Variants in NEK11 observed in about 807,000 individuals in gnomAD.
The protein encoded by NEK11 is NIMA related kinase 11.
A neutral mutation model predicts 80.7 loss-of-function variants in NEK11; 72 were observed. The ratio of observed to expected loss-of-function variants is 0.89; its 90% confidence interval spans 0.74 to 1.08. The LOEUF (loss-of-function observed/expected upper bound fraction) is 1.08, where lower values mean the gene tolerates loss of function less well. NEK11 is among the 50% of genes least tolerant of loss of function. NEK11 has a pLI of 0.00. For missense variants in NEK11, 764 were observed against 763.6 expected, an observed-to-expected ratio of 1.00 and a Z score of -0.01; for synonymous variants, 251 against 260.7, an observed-to-expected ratio of 0.96 and a Z score of 0.36.
At chr3:131,054,208 G>T (rs149464741) in intron 3 of NEK11, among the ~76,000 whole-genome samples, 11 of 152,254 alleles carry the variant, frequency 7.2e-5, no homozygotes, top group African/African-American at 2.4e-4. Context: ...AAAATTAGCC[G>T]GGTGTGGTCC....
chr3:131,129,423 C>T (rs1036124897), intron 5 of NEK11, among the ~76,000 whole-genome samples: 1 of 152,112 alleles, frequency 6.6e-6, no homozygotes, highest in East Asian at 1.9e-4. Context: ...TATTCCTTGA[C>T]AGTGTTTTCT....
chr3:131,329,938 T>A (rs1166347608), intron 17 of NEK11: 2 of 152,208 alleles, frequency 1.3e-5, no homozygotes, highest in African/African-American at 4.8e-5. Flanking sequence ...CAATAGAGTT[T>A]TGAGCAGGGA....
At chr3:131,336,150 C>T (rs1247567884) in intron 17 of NEK11, among the ~76,000 whole-genome samples, 4 of 152,040 alleles carry the variant, frequency 2.6e-5, no homozygotes, top group Admixed American at 6.6e-5. Context: ...AAAAAGAGCC[C>T]GCATCACCAA....
intron 5 of NEK11, among the ~76,000 whole-genome samples, chr3:131,116,849 T>G (rs1285017554): frequency 1.3e-5 from 2 of 152,228 alleles, no homozygotes; most frequent in South Asian, 2.1e-4. Context: ...TAAATTTGTT[T>G]AAGTTCTTTG....
chr3:131,297,629 T>C (rs1366724338), intron 17 of NEK11, among the ~76,000 whole-genome samples: 1 of 152,204 alleles, frequency 6.6e-6, no homozygotes, highest in African/African-American at 2.4e-5. Context: ...TTCACTCTGA[T>C]GGTAGTTTCT....
chr3:131,268,591 C>G (rs1435378200), intron 16 of NEK11, among the ~76,000 whole-genome samples: 1 of 152,242 alleles, frequency 6.6e-6, no homozygotes, highest in Non-Finnish European at 1.5e-5. Flanking sequence ...CTGAGTACCA[C>G]CAGTGGAGGC....
chr3:131,202,728 C>T (rs554307087), intron 14 of NEK11, among the ~76,000 whole-genome samples: 56 of 152,010 alleles, frequency 3.7e-4, no homozygotes, highest in Non-Finnish European at 4.3e-4. Flanking sequence ...AACAAATTTA[C>T]GAGAAAAAAA....
At chr3:131,165,006 C>T (rs1306648338) in intron 11 of NEK11, among the ~76,000 whole-genome samples, 3 of 152,200 alleles carry the variant, frequency 2.0e-5, no homozygotes, top group Non-Finnish European at 4.4e-5. Context: ...TGCGCAATGA[C>T]TCCCAGATAT....
At chr3:131,253,324 A>G (rs189759514) in intron 16 of NEK11, among the ~76,000 whole-genome samples, 25 of 152,224 alleles carry the variant, frequency 1.6e-4, no homozygotes, top group African/African-American at 6.0e-4. Flanking sequence ...TTCCCATGGG[A>G]TACAAGAAGC....
At chr3:131,069,064 T>A (rs1458366156) in intron 3 of NEK11, among the ~76,000 whole-genome samples, 1 of 152,154 alleles carries the variant, frequency 6.6e-6, no homozygotes, top group African/African-American at 2.4e-5. Flanking sequence ...GCTGTCTTAC[T>A]GTTAAGACAG....
chr3:131,107,690 T>C (rs2079422955), intron 4 of NEK11, among the ~76,000 whole-genome samples: 1 of 60,130 alleles, frequency 1.7e-5, no homozygotes, highest in Non-Finnish European at 3.8e-5. Context: ...GTATTTCCAA[T>C]ATGTGTTTGG....
At chr3:131,158,003 A>T (rs1263893739) in intron 10 of NEK11, among the ~76,000 whole-genome samples, 1 of 152,006 alleles carries the variant, frequency 6.6e-6, no homozygotes, top group Non-Finnish European at 1.5e-5. Flanking sequence ...CCTAGGCTTG[A>T]CTTGCTCCCA....
chr3:131,205,179 G>A (rs2094406985), intron 14 of NEK11, among the ~76,000 whole-genome samples: 1 of 152,150 alleles, frequency 6.6e-6, no homozygotes, highest in Admixed American at 6.5e-5. Flanking sequence ...TTTGGAATTT[G>A]GGTTTGGTAA....
At chr3:131,075,871 G>C (rs766073488) in intron 3 of NEK11, among the ~76,000 whole-genome samples, 1 of 152,046 alleles carries the variant, frequency 6.6e-6, no homozygotes, top group Non-Finnish European at 1.5e-5. Context: ...ACAGAACACA[G>C]ATAGTTCATA....
intron 7 of NEK11, among the ~76,000 whole-genome samples, chr3:131,145,687 G>C (rs2088038520): frequency 6.6e-6 from 1 of 152,144 alleles, no homozygotes; most frequent in South Asian, 2.1e-4. Context: ...ATTGGTGCAA[G>C]ATCCAGAGGC....
chr3:131,347,571 T>G (rs2097382451), intron 17 of NEK11, among the ~76,000 whole-genome samples: 1 of 152,192 alleles, frequency 6.6e-6, no homozygotes, highest in African/African-American at 2.4e-5. Context: ...GACTAATGTC[T>G]CCAATGTTAT....
At chr3:131,116,586 C>G (rs1228817152) in intron 5 of NEK11, among the ~76,000 whole-genome samples, 3 of 152,134 alleles carry the variant, frequency 2.0e-5, no homozygotes, top group Admixed American at 2.0e-4. Flanking sequence ...GTTTACAATC[C>G]CACCAACAGT....
At chr3:131,124,351 A>C (rs1269545820) in intron 5 of NEK11, among the ~76,000 whole-genome samples, 1 of 152,218 alleles carries the variant, frequency 6.6e-6, no homozygotes. Flanking sequence ...GCAGAGGCAC[A>C]CTTGAATATT....
chr3:131,239,232 G>A lies in NEK11; in HGVS notation c.1561-4204G>A, dbSNP rs138248727. ...TGGCTCTGAGAGAAGAGGTGACCAA[G>A]AGGTGAAAGAAATCAGCCCGTTTAT... On this transcript the variant is annotated intron_variant, in intron 15 of 17. Transcript: ENST00000383366. Among the ~76,000 whole-genome samples the A allele has an allele frequency of 6.7e-3, 1,025 of 152,282 alleles. 6 individuals are homozygous for A. The highest frequency in any genetic ancestry group is 0.011 in the Non-Finnish European group (740 of 68,012).
Sources: gnomAD v4.1 joint callset for allele counts (sites outside exome capture counted in the v4.1 genomes callset) on GRCh38, gnomAD v4.1.1 for gene constraint, MANE v1.5 for transcripts, NCBI Gene and HGNC (gene_info 2026-07-23, HGNC 2026-07-21) for gene names.